EIF4G3: variants seen among roughly 807,000 people sequenced by gnomAD.
EIF4G3 encodes eukaryotic translation initiation factor 4 gamma 3.
EIF4G3 carries 34 observed loss-of-function variants against 186.4 expected under a neutral mutation model. That is an observed-to-expected ratio of 0.18 (90% CI 0.14 to 0.24). The LOEUF is 0.24. Ranked by LOEUF, EIF4G3 falls within the 10% of genes least tolerant of loss-of-function variation. The probability of loss-of-function intolerance (pLI) is 1.00; values close to 1 mark genes in which losing one functional copy is unlikely to be tolerated. For missense variants in EIF4G3, 1,536 were observed against 1,948.5 expected, an observed-to-expected ratio of 0.79 and a Z score of 3.99; for synonymous variants, 673 against 679.5, an observed-to-expected ratio of 0.99 and a Z score of 0.15.
At chr1:21,136,075 C>T (rs968526403) in intron 2 of EIF4G3, among the ~76,000 whole-genome samples, 1 of 151,936 alleles carries the variant, frequency 6.6e-6, no homozygotes, top group Non-Finnish European at 1.5e-5. Flanking sequence ...CCCAGCTACT[C>T]GGGAGGCTGA....
At chr1:20,902,583 A>G (rs962493503) in intron 15 of EIF4G3, among the ~76,000 whole-genome samples, 3 of 152,224 alleles carry the variant, frequency 2.0e-5, no homozygotes, top group African/African-American at 7.2e-5. Flanking sequence ...TTTCTGAAAG[A>G]AGTCACTATG....
intron 7 of EIF4G3, among the ~76,000 whole-genome samples, chr1:20,989,416 G>A (rs998432646): frequency 6.6e-6 from 1 of 151,470 alleles, no homozygotes; most frequent in Non-Finnish European, 1.5e-5. Flanking sequence ...AATTAGCTGC[G>A]CATGGTGGGA....
chr1:20,919,277 C>G (rs1224657120), intron 14 of EIF4G3, among the ~76,000 whole-genome samples: 1 of 152,140 alleles, frequency 6.6e-6, no homozygotes, highest in Non-Finnish European at 1.5e-5. Context: ...GGCTCAATCA[C>G]GGCAGACTGC....
chr1:21,058,988 A>G (rs2094734913), intron 3 of EIF4G3, among the ~76,000 whole-genome samples: 1 of 151,792 alleles, frequency 6.6e-6, no homozygotes, highest in East Asian at 1.9e-4. Context: ...TATTCTATAT[A>G]TTTTATATAA....
At chr1:20,891,359 C>A (rs1393976509) in intron 18 of EIF4G3, among the ~76,000 whole-genome samples, 1 of 151,496 alleles carries the variant, frequency 6.6e-6, no homozygotes, top group Non-Finnish European at 1.5e-5. Context: ...ACAGAATATT[C>A]AAAATAGCAT....
At chr1:20,857,853 A>T (rs2075396926) in intron 24 of EIF4G3, among the ~76,000 whole-genome samples, 1 of 152,214 alleles carries the variant, frequency 6.6e-6, no homozygotes, top group South Asian at 2.1e-4. Context: ...GAAATTATTT[A>T]TTCTAAAGTA....
intron 4 of EIF4G3, among the ~76,000 whole-genome samples, chr1:21,019,735 T>A (rs1171276031): frequency 4.6e-5 from 7 of 151,880 alleles, no homozygotes; most frequent in African/African-American, 1.7e-4. Flanking sequence ...ATACAAAAAA[T>A]TAGCTGGGCG....
intron 24 of EIF4G3, among the ~76,000 whole-genome samples, chr1:20,859,146 T>C (rs1010843368): frequency 6.6e-6 from 1 of 152,372 alleles, no homozygotes; most frequent in East Asian, 1.9e-4. Flanking sequence ...CTTGTCTCTA[T>C]GACACTTGTA....
intron 4 of EIF4G3, among the ~76,000 whole-genome samples, chr1:21,046,328 C>T (rs2093885947): frequency 6.6e-6 from 1 of 152,236 alleles, no homozygotes; most frequent in Non-Finnish European, 1.5e-5. Context: ...GAAAGAACTA[C>T]AGCTCATGTA....
At chr1:20,947,580 GAGAAAGAA>G (rs35046651) in intron 13 of EIF4G3, among the ~76,000 whole-genome samples, 1 of 150,882 alleles carries the variant, frequency 6.6e-6, no homozygotes, top group Non-Finnish European at 1.5e-5. Flanking sequence ...GAGAGAGCAA[GAGAAAGAA>G]AGAAAGAAAG....
intron 30 of EIF4G3, 79 bp from the exon 31 acceptor site, chr1:20,829,351 TCAA>T (rs923648301): frequency 3.5e-5 from 53 of 1,511,812 alleles, no homozygotes; most frequent in Non-Finnish European, 4.7e-5. Context: ...AAAAAATCAG[TCAA>T]CAAATACATA....
intron 14 of EIF4G3, among the ~76,000 whole-genome samples, chr1:20,914,839 C>A (rs529318486): frequency 1.3e-5 from 2 of 152,234 alleles, no homozygotes; most frequent in African/African-American, 4.8e-5. Context: ...TTTCTGGAAC[C>A]ACAATATGGT....
chr1:21,073,497 A>C, intron 3 of EIF4G3: 1 of 292,038 alleles, frequency 3.4e-6, no homozygotes, highest in South Asian at 3.2e-5. Context: ...ATCTATTGGG[A>C]AGGTTTATGC....
chr1:20,862,157 A>C, intron 23 of EIF4G3, 71 bp downstream of exon 23: 1 of 903,750 alleles, frequency 1.1e-6, no homozygotes, highest in Non-Finnish European at 1.7e-6. Flanking sequence ...ACAACAGGAC[A>C]TCCTTCCCCA....
At chr1:21,003,193 A>T (rs2084051912) in intron 4 of EIF4G3, among the ~76,000 whole-genome samples, 1 of 140,526 alleles carries the variant, frequency 7.1e-6, no homozygotes, top group African/African-American at 2.6e-5. Context: ...TTTTTTTCAG[A>T]GACAGGGTCT....
intron 34 of EIF4G3, among the ~76,000 whole-genome samples, 163 bp downstream of exon 34, chr1:20,817,229 G>T (rs1474299882): frequency 1.2e-5 from 1 of 86,150 alleles, no homozygotes; most frequent in Non-Finnish European, 2.3e-5. Context: ...AAACACCCAA[G>T]AATGATCAAT....
intron 12 of EIF4G3, among the ~76,000 whole-genome samples, chr1:20,956,696 A>G (rs750279928): frequency 4.0e-5 from 6 of 151,628 alleles, no homozygotes; most frequent in Non-Finnish European, 7.4e-5. Context: ...TTTTTGAGAC[A>G]GGGTCTCGCT....
intron 7 of EIF4G3, among the ~76,000 whole-genome samples, chr1:20,994,519 T>C (rs186699247): frequency 2.6e-5 from 4 of 152,304 alleles, no homozygotes; most frequent in Admixed American, 2.0e-4. Flanking sequence ...TTAAAAATCA[T>C]TGCTCTGAAT....
At chr1:20,931,815 C>T (rs1400348841) in intron 14 of EIF4G3, among the ~76,000 whole-genome samples, 5 of 152,030 alleles carry the variant, frequency 3.3e-5, no homozygotes, top group East Asian at 3.9e-4. Context: ...GTTCCAGCTA[C>T]TCAGGAGGCT....
Sources: allele counts gnomAD v4.1 joint callset (sites outside exome capture counted in the v4.1 genomes callset), GRCh38; gene constraint gnomAD v4.1.1; transcripts MANE v1.5; gene names NCBI Gene and HGNC (gene_info 2026-07-23, HGNC 2026-07-21).